EIF3H: variants seen among roughly 807,000 people sequenced by gnomAD.
EIF3H encodes the protein eIF-3-gamma.
Under a neutral mutation model 44.2 loss-of-function variants are expected in EIF3H, and 26 were observed. The observed-to-expected ratio is 0.59, with a 90% CI of 0.43 to 0.82. The LOEUF (loss-of-function observed/expected upper bound fraction) is 0.82. Ranked by LOEUF, EIF3H falls within the 40% of genes least tolerant of loss-of-function variation. EIF3H has a pLI of 0.00. For missense variants in EIF3H, 359 were observed against 432.8 expected, an observed-to-expected ratio of 0.83 and a Z score of 1.51; for synonymous variants, 166 against 151.9, an observed-to-expected ratio of 1.09 and a Z score of -0.68.
At chr8:116,674,414 C>T (rs1813813445) in intron 2 of EIF3H, among the ~76,000 whole-genome samples, 1 of 151,984 alleles carries the variant, frequency 6.6e-6, no homozygotes, top group African/African-American at 2.4e-5. Context: ...TAGCAATATC[C>T]TCTTCTTGAA....
rs1208896353 is a variant in EIF3H, at chr8:116,644,426, T to C, written c.*580A>G. The C allele has an allele frequency of 6.6e-6, 1 of 152,160 alleles. No homozygotes were observed. Among genetic ancestry groups the C allele is most frequent in the Admixed American group, 6.5e-5 (1 of 15,270 alleles). 9.4% of individuals were successfully genotyped at this position (152,160 alleles called of 1,614,324 possible). A position where few individuals can be genotyped will look rare whatever the true frequency, so the allele number is the denominator to read the frequency against. Reference sequence around the variant, plus strand: ...ATGATAATAATAATCTTGTGTCCCATGGCCTATGAGTACGGGGACTGGTTG... The same window carrying C: ...ATGATAATAATAATCTTGTGTCCCACGGCCTATGAGTACGGGGACTGGTTG... On this transcript the variant is annotated 3_prime_UTR_variant, in exon 8 of 8. Coordinates refer to ENST00000521861, the MANE Select transcript of EIF3H (RefSeq NM_003756.3).
intron 2 of EIF3H, among the ~76,000 whole-genome samples, chr8:116,718,955 T>G (rs1331995331): frequency 6.6e-6 from 1 of 152,028 alleles, no homozygotes; most frequent in Non-Finnish European, 1.5e-5. Context: ...TACATTGTAT[T>G]GAAAATGCTA....
chr8:116,709,278 C>A (rs1430564020), intron 2 of EIF3H, among the ~76,000 whole-genome samples: 2 of 152,078 alleles, frequency 1.3e-5, no homozygotes, highest in African/African-American at 4.8e-5. Context: ...GATAAGACAA[C>A]CCTTTGCCCA....
chr8:116,730,442 A>G (rs1448314578), intron 1 of EIF3H, among the ~76,000 whole-genome samples: 1 of 152,132 alleles, frequency 6.6e-6, no homozygotes, highest in Non-Finnish European at 1.5e-5. Context: ...ATCCTCTCAC[A>G]TCCCCGCAAC....
chr8:116,723,308 A>C (rs4129065), intron 2 of EIF3H, among the ~76,000 whole-genome samples: 1 of 152,152 alleles, frequency 6.6e-6, no homozygotes, highest in Non-Finnish European at 1.5e-5. Flanking sequence ...AAGTACCCCC[A>C]CATATGTGCA....
chr8:116,652,755 G>C (rs1288884612), intron 5 of EIF3H, among the ~76,000 whole-genome samples: 1 of 151,268 alleles, frequency 6.6e-6, no homozygotes, highest in Non-Finnish European at 1.5e-5. Context: ...TTGGAAAAAT[G>C]AGCCTATAAA....
chr8:116,764,496 T>G (rs928096517), intron 1 of EIF3H, among the ~76,000 whole-genome samples: 2 of 152,214 alleles, frequency 1.3e-5, no homozygotes, highest in Non-Finnish European at 1.5e-5. Context: ...CTAATGAGCA[T>G]AATAATGATT....
At chr8:116,680,526 T>C (rs202085157) in intron 2 of EIF3H, among the ~76,000 whole-genome samples, 1 of 83,046 alleles carries the variant, frequency 1.2e-5, no homozygotes, top group East Asian at 2.9e-4. Context: ...TGTGACCTTA[T>C]CCCCAACCCT....
At chr8:116,664,054 C>T (rs1036118627) in intron 2 of EIF3H, among the ~76,000 whole-genome samples, 18 of 151,678 alleles carry the variant, frequency 1.2e-4, no homozygotes, top group African/African-American at 3.6e-4. Flanking sequence ...ATTATAAAAA[C>T]GAGAAGTTTT....
chr8:116,712,774 A>C (rs960934916), intron 2 of EIF3H, among the ~76,000 whole-genome samples: 2 of 152,108 alleles, frequency 1.3e-5, no homozygotes, highest in Non-Finnish European at 2.9e-5. Context: ...CTTTACTGGC[A>C]TAACTAAGAT....
chr8:116,689,624 T>C (rs1270380529), intron 2 of EIF3H, among the ~76,000 whole-genome samples: 1 of 152,138 alleles, frequency 6.6e-6, no homozygotes, highest in Non-Finnish European at 1.5e-5. Flanking sequence ...TTAATTACAA[T>C]TGACTATTTT....
At chr8:116,698,866 G>A (rs1440020015) in intron 2 of EIF3H, among the ~76,000 whole-genome samples, 2 of 152,150 alleles carry the variant, frequency 1.3e-5, no homozygotes, top group Non-Finnish European at 2.9e-5. Flanking sequence ...TTTATATATA[G>A]GCAGAGTGCA....
chr8:116,699,912 G>A (rs1354898577), intron 2 of EIF3H, among the ~76,000 whole-genome samples: 1 of 152,064 alleles, frequency 6.6e-6, no homozygotes, highest in African/African-American at 2.4e-5. Flanking sequence ...CTGGGTTCAA[G>A]AGACTCCCGT....
rs1373102461 is a variant in EIF3H at position 116,644,301 on chromosome 8, A to ATC, written c.*704_*705insGA. 3 of 152,356 alleles carry ATC rather than the reference A, an allele frequency of 2.0e-5. No individual in the cohort carries two copies. The highest frequency in any genetic ancestry group is 7.2e-5 in the African/African-American group (3 of 41,448). 9.4% of individuals were successfully genotyped at this position (152,356 alleles called of 1,614,324 possible). On this transcript the variant is annotated 3_prime_UTR_variant, in exon 8 of 8. Coordinates refer to ENST00000521861, the MANE Select transcript of EIF3H (RefSeq NM_003756.3). ...GCTACTTGGGAGGCTGAGGTGGGAG[A>ATC]ATCGCTTGAACTCAGAAGGTGGAGG...
intron 4 of EIF3H, among the ~76,000 whole-genome samples, chr8:116,656,498 T>C (rs1813493002): frequency 6.6e-6 from 1 of 152,168 alleles, no homozygotes; most frequent in Admixed American, 6.6e-5. Flanking sequence ...TCTCATAGAT[T>C]AGTTATAACC....
rs1813235411 is a variant in EIF3H at position 116,642,364 on chromosome 8, C to A, written c.*2642G>T. ...TGTATATGAGAAATCACACCAAGCT[C>A]TCTTAATTAGGTTAACATTAGACAA... is the stretch of plus-strand genomic sequence containing the variant. On this transcript the variant is annotated 3_prime_UTR_variant, in exon 8 of 8. Coordinates refer to ENST00000521861, the MANE Select transcript of EIF3H (RefSeq NM_003756.3). 1 of 152,096 alleles carries A rather than the reference C, an allele frequency of 6.6e-6. No individual in the cohort carries two copies. The highest frequency in any genetic ancestry group is 1.5e-5 in the Non-Finnish European group (1 of 68,018). The allele number at this position is 152,096 out of a possible 1,614,324, so 9.4% of individuals were successfully genotyped here. A position where few individuals can be genotyped will look rare whatever the true frequency, so the allele number is the denominator to read the frequency against.
At chr8:116,657,453 T>C (rs111728620) in intron 3 of EIF3H, 139 bp from the exon 4 acceptor site, 9 of 652,992 alleles carry the variant, frequency 1.4e-5, no homozygotes, top group African/African-American at 9.2e-5. Context: ...AGAACACAAC[T>C]TGAAGCAGAC....
chr8:116,658,745 A>G lies in EIF3H; in HGVS notation c.457+68T>C, dbSNP rs1813533286. ...CCTGCCAGACTGCTCTTAGAGGCAA[A>G]AAGGACAGAAAGCAAAAATAGTAGT... On this transcript the variant is annotated intron_variant, in intron 3 of 7. Coordinates refer to ENST00000521861, the MANE Select transcript of EIF3H (RefSeq NM_003756.3). 22 of 1,532,872 alleles carry G rather than the reference A, an allele frequency of 1.4e-5. No homozygotes were observed. In the South Asian group the frequency reaches 2.7e-4, roughly 19 times the overall value. The allele number at this position is 1,532,872 out of a possible 1,614,324, so 95.0% of individuals were successfully genotyped here. A position where few individuals can be genotyped will look rare whatever the true frequency, so the allele number is the denominator to read the frequency against.
intron 2 of EIF3H, among the ~76,000 whole-genome samples, chr8:116,681,507 A>G (rs935685991): frequency 6.6e-6 from 1 of 151,850 alleles, no homozygotes; most frequent in Non-Finnish European, 1.5e-5. Flanking sequence ...TCTCTACTAA[A>G]AATACAAAAT....
Sources: allele counts gnomAD v4.1 joint callset (sites outside exome capture counted in the v4.1 genomes callset), GRCh38; gene constraint gnomAD v4.1.1; transcripts MANE v1.5; gene names NCBI Gene and HGNC (gene_info 2026-07-23, HGNC 2026-07-21).